The following CDH4 variants were observed in gnomAD, a reference collection of about 807,000 sequenced individuals.
The protein encoded by CDH4 is cadherin 4.
A neutral mutation model predicts 86.0 loss-of-function variants in CDH4; 33 were observed. That is an observed-to-expected ratio of 0.38 (90% CI 0.29 to 0.51). CDH4 has a LOEUF of 0.51. CDH4 is among the 20% of genes least tolerant of loss of function. The pLI, the probability that CDH4 is intolerant of heterozygous loss-of-function variation, is 0.86. For missense variants in CDH4, 1,114 were observed against 1,307.4 expected (o/e 0.85, Z 2.28); for synonymous variants, 555 against 549.4 (o/e 1.01, Z -0.14).
At chr20:61,677,656 G>A (rs1460306185) in intron 2 of CDH4, among the ~76,000 whole-genome samples, 2 of 149,766 alleles carry the variant, frequency 1.3e-5, no homozygotes, top group Non-Finnish European at 3.0e-5. Flanking sequence ...TGGGTAGGTA[G>A]GTGGGTGGGT....
intron 2 of CDH4, among the ~76,000 whole-genome samples, chr20:61,318,034 C>T (rs1322020180): frequency 6.6e-6 from 1 of 152,188 alleles, no homozygotes; most frequent in Non-Finnish European, 1.5e-5. Flanking sequence ...CCCAGAGAGA[C>T]TAAAGGGCTG....
chr20:61,392,982 A>C lies in CDH4; in HGVS notation c.169+138045A>C, dbSNP rs1287439444. 1.3e-5 allele frequency among the ~76,000 whole-genome samples: 2 copies of C among 152,120 alleles called. No individual in the cohort carries two copies. The highest frequency in any genetic ancestry group is 4.8e-5 in the African/African-American group (2 of 41,418). On this transcript the variant is annotated intron_variant, in intron 2 of 15. Coordinates refer to ENST00000614565, the MANE Select transcript of CDH4 (RefSeq NM_001794.5). This position sits in a 1 kb window ranked among gnomAD's most constrained non-coding sequence, Gnocchi z 5.7. ...GCAGCCGAGCCTCCTGCTTGAGCAC[A>C]TGCCTTGTCGCTCAGGGCTTGACGG...
chr20:61,867,027 G>A (rs547601128), intron 6 of CDH4, among the ~76,000 whole-genome samples: 11 of 152,310 alleles, frequency 7.2e-5, no homozygotes, highest in Admixed American at 3.3e-4. Flanking sequence ...TAAGAGCAGC[G>A]TCCATCCTCA....
In CDH4 at chr20:61,582,134, C is replaced by T. The variant is rs1335613294; in HGVS notation, c.170-161429C>T. On this transcript the variant is annotated intron_variant, in intron 2 of 15. Transcript: ENST00000614565. The surrounding 1 kb of genome is among the most constrained non-coding windows in gnomAD (Gnocchi z 4.2). ...TCATTACCATTGGCGGCATGCTGCC[C>T]ATGCCTTGTGTGTGCACGGAGACTT... Among the ~76,000 whole-genome samples the T allele has an allele frequency of 6.6e-6, 1 of 152,230 alleles. No homozygotes were observed. Among genetic ancestry groups the T allele is most frequent in the Admixed American group, 6.5e-5 (1 of 15,290 alleles).
At chr20:61,312,753 C>T (rs34286429) in intron 2 of CDH4, among the ~76,000 whole-genome samples, 6,653 of 152,218 alleles carry the variant, frequency 0.044, 194 homozygotes, top group African/African-American at 0.067. Context: ...TTTTGTGCAG[C>T]GTATGATGAC....
chr20:61,415,032 C>T (rs2085139187), intron 2 of CDH4, among the ~76,000 whole-genome samples: 1 of 152,220 alleles, frequency 6.6e-6, no homozygotes, highest in South Asian at 2.1e-4. Context: ...TGGGCTTTTC[C>T]GCTAGCTGGA....
At chr20:61,819,580 G>A (rs970042772) in intron 4 of CDH4, among the ~76,000 whole-genome samples, 5 of 152,222 alleles carry the variant, frequency 3.3e-5, no homozygotes, top group African/African-American at 9.6e-5. Flanking sequence ...CCCCAGCACT[G>A]TTTTGCCATG....
intron 2 of CDH4, among the ~76,000 whole-genome samples, chr20:61,610,399 T>C (rs915605486): frequency 2.6e-5 from 4 of 152,248 alleles, no homozygotes; most frequent in Admixed American, 6.5e-5. Flanking sequence ...TATTTGTCCA[T>C]TGATGGACAC....
chr20:61,749,191 T>C (rs2088456509), intron 3 of CDH4, among the ~76,000 whole-genome samples: 2 of 152,162 alleles, frequency 1.3e-5, no homozygotes, highest in South Asian at 4.2e-4. Context: ...CCTAAATTTG[T>C]GTGCACTTAA....
chr20:61,487,699 T>TTCAAGAAATCTAGCTAGTTCA (rs975805010), intron 2 of CDH4, among the ~76,000 whole-genome samples: 1 of 152,204 alleles, frequency 6.6e-6, no homozygotes, highest in African/African-American at 2.4e-5. Flanking sequence ...ATTTTCCAGC[T>TTCAAGAAATCTAGCTAGTTCA]AGAAATCTAG....
intron 9 of CDH4, among the ~76,000 whole-genome samples, chr20:61,917,957 T>A (rs375559444): frequency 6.6e-6 from 1 of 152,254 alleles, no homozygotes; most frequent in Non-Finnish European, 1.5e-5. Flanking sequence ...CCCGGGAACA[T>A]GAGCCAATAA....
chr20:61,582,393 A>C lies in CDH4; in HGVS notation c.170-161170A>C, dbSNP rs2086436247. 6.6e-6 allele frequency among the ~76,000 whole-genome samples: 1 copy of C among 152,172 alleles called. No homozygotes were observed. The highest frequency in any genetic ancestry group is 2.4e-5 in the African/African-American group (1 of 41,442). On this transcript the variant is annotated intron_variant, in intron 2 of 15. Transcript: ENST00000614565. This position sits in a 1 kb window ranked among gnomAD's most constrained non-coding sequence, Gnocchi z 4.2. Reference sequence around the variant, plus strand: ...TGAGCCCTGGGGCTTTCCCAGGGCCATCCCCCTGCCTGGGGCCCTGTCCGC... The same window carrying C: ...TGAGCCCTGGGGCTTTCCCAGGGCCCTCCCCCTGCCTGGGGCCCTGTCCGC...
At chr20:61,592,013 A>G (rs1052076993) in intron 2 of CDH4, among the ~76,000 whole-genome samples, 2 of 152,146 alleles carry the variant, frequency 1.3e-5, no homozygotes, top group Non-Finnish European at 2.9e-5. Flanking sequence ...TTCCTTTTCA[A>G]TTAGCTATCT....
chr20:61,343,231 G>A (rs747670218), intron 2 of CDH4, among the ~76,000 whole-genome samples: 2 of 152,204 alleles, frequency 1.3e-5, no homozygotes, highest in East Asian at 1.9e-4. Flanking sequence ...CTTAGCATGC[G>A]TAATGTGGAT....
chr20:61,819,423 G>A (rs1213654981), intron 4 of CDH4, among the ~76,000 whole-genome samples: 1 of 151,624 alleles, frequency 6.6e-6, no homozygotes, highest in African/African-American at 2.4e-5. Flanking sequence ...TCTGCCCCGG[G>A]AGCGTTCCAT....
At chr20:61,495,926 GTC>G (rs1444405110) in intron 2 of CDH4, among the ~76,000 whole-genome samples, 3 of 136,470 alleles carry the variant, frequency 2.2e-5, no homozygotes, top group African/African-American at 7.9e-5. Flanking sequence ...AAAAAAAAGA[GTC>G]TAGTGCAGCA....
At chr20:61,535,230 C>A (rs1270045782) in intron 2 of CDH4, among the ~76,000 whole-genome samples, 1 of 152,208 alleles carries the variant, frequency 6.6e-6, no homozygotes, top group Non-Finnish European at 1.5e-5. Flanking sequence ...GACCTGATGA[C>A]CTGTAACTTC....
At chr20:61,586,993 C>T (rs1192841224) in intron 2 of CDH4, among the ~76,000 whole-genome samples, 3 of 152,208 alleles carry the variant, frequency 2.0e-5, no homozygotes, top group Non-Finnish European at 2.9e-5. Context: ...GGCTGCTCTC[C>T]CAGCAGCCCC....
At chr20:61,836,491 G>T (rs1288862595) in intron 4 of CDH4, among the ~76,000 whole-genome samples, 2 of 152,214 alleles carry the variant, frequency 1.3e-5, no homozygotes, top group African/African-American at 4.8e-5. Flanking sequence ...TGGTGTCAAT[G>T]TTACACAACA....
Sources: gnomAD v4.1 joint callset for allele counts (sites outside exome capture counted in the v4.1 genomes callset) on GRCh38, gnomAD v4.1.1 for gene constraint, Gnocchi (gnomAD v3.1) non-coding constraint, MANE v1.5 for transcripts, NCBI Gene and HGNC (gene_info 2026-07-23, HGNC 2026-07-21) for gene names.